TMEM132B: variants seen among roughly 807,000 people sequenced by gnomAD.
TMEM132B encodes transmembrane protein 132B.
In TMEM132B, 18 loss-of-function variants were observed where a neutral mutation model predicts 90.8. The ratio of observed to expected loss-of-function variants is 0.20; its 90% CI spans 0.14 to 0.29. The LOEUF (loss-of-function observed/expected upper bound fraction) is 0.29. Among genes scored for constraint, TMEM132B ranks in the 10% least tolerant of loss-of-function variants. The pLI is 1.00. For synonymous variants in TMEM132B, 504 were observed against 523.3 expected (o/e 0.96, Z 0.50); for missense variants, 1,096 against 1,326.8 (o/e 0.83, Z 2.70).
intron 1 of TMEM132B, among the ~76,000 whole-genome samples, chr12:125,192,551 C>T (rs1349249670): frequency 6.6e-6 from 1 of 152,176 alleles, no homozygotes. Context: ...AGTCATAGCA[C>T]ACTGCAGCCT....
intron 3 of TMEM132B, among the ~76,000 whole-genome samples, chr12:125,447,502 T>C (rs945802754): frequency 3.3e-5 from 5 of 152,206 alleles, no homozygotes; most frequent in Admixed American, 2.6e-4. Flanking sequence ...ACGCCATTAT[T>C]GTTGTGTAGG....
chr12:125,471,417 A>C (rs1457250716), intron 3 of TMEM132B, among the ~76,000 whole-genome samples: 2 of 152,200 alleles, frequency 1.3e-5, no homozygotes, highest in Non-Finnish European at 2.9e-5. Flanking sequence ...GGGCCATAGC[A>C]TGTGACCATA....
At chr12:125,367,947 T>G (rs530099837) in intron 2 of TMEM132B, among the ~76,000 whole-genome samples, 1 of 152,318 alleles carries the variant, frequency 6.6e-6, no homozygotes, top group African/African-American at 2.4e-5. Context: ...TCTATTGTGT[T>G]ATCAAATATT....
chr12:125,559,978 C>T (rs945251071), intron 4 of TMEM132B, among the ~76,000 whole-genome samples: 28 of 152,284 alleles, frequency 1.8e-4, no homozygotes, highest in African/African-American at 6.3e-4. Flanking sequence ...GCCCTAAGTT[C>T]GAATCCAGCG....
At chr12:125,508,734 T>C (rs1882904535) in intron 3 of TMEM132B, among the ~76,000 whole-genome samples, 1 of 151,714 alleles carries the variant, frequency 6.6e-6, no homozygotes, top group South Asian at 2.1e-4. Flanking sequence ...AGAAGCAGAC[T>C]GTTTGAAAAG....
At chr12:125,243,094 T>C (rs1007539363) in intron 1 of TMEM132B, among the ~76,000 whole-genome samples, 10 of 126,020 alleles carry the variant, frequency 7.9e-5, no homozygotes, top group African/African-American at 2.9e-4. Context: ...CACATACATA[T>C]ACATATATAT....
intron 1 of TMEM132B, among the ~76,000 whole-genome samples, chr12:125,276,359 G>A (rs1302026615): frequency 1.3e-5 from 2 of 152,184 alleles, no homozygotes; most frequent in Non-Finnish European, 2.9e-5. Context: ...ATCAGACTGT[G>A]GGTCTGATCA....
intron 2 of TMEM132B, among the ~76,000 whole-genome samples, chr12:125,400,819 A>T (rs1042941191): frequency 4.6e-5 from 7 of 152,328 alleles, no homozygotes; most frequent in Admixed American, 3.9e-4. Context: ...GGCTTATCTC[A>T]GAAAGGGTGT....
At chr12:125,328,218 G>T (rs1009171815) in intron 1 of TMEM132B, among the ~76,000 whole-genome samples, 4 of 152,166 alleles carry the variant, frequency 2.6e-5, no homozygotes, top group Non-Finnish European at 5.9e-5. Context: ...CAAACACAAT[G>T]CAGTGGCCTC....
At chr12:125,616,733 C>T (rs1014217745) in intron 5 of TMEM132B, among the ~76,000 whole-genome samples, 8 of 152,098 alleles carry the variant, frequency 5.3e-5, no homozygotes, top group Non-Finnish European at 1.5e-5. Context: ...TTGTGTTCCC[C>T]CACCCAATTC....
At chr12:125,461,277 G>C (rs955363685) in intron 3 of TMEM132B, among the ~76,000 whole-genome samples, 5 of 152,166 alleles carry the variant, frequency 3.3e-5, no homozygotes, top group African/African-American at 4.8e-5. Context: ...TCAGAGTCAG[G>C]GTCAGACCCA....
intron 2 of TMEM132B, among the ~76,000 whole-genome samples, chr12:125,390,687 A>G (rs1000321364): frequency 9.2e-5 from 14 of 152,238 alleles, no homozygotes; most frequent in Admixed American, 7.9e-4. Context: ...CTCAAGTAGC[A>G]TCTAAGGAGA....
chr12:125,397,228 C>T (rs1023062234), intron 2 of TMEM132B, among the ~76,000 whole-genome samples: 3 of 152,148 alleles, frequency 2.0e-5, no homozygotes, highest in African/African-American at 4.8e-5. Flanking sequence ...GCCTCAGCCT[C>T]CAGAAGTGCT....
intron 2 of TMEM132B, among the ~76,000 whole-genome samples, chr12:125,411,816 C>A (rs1248572954): frequency 6.6e-6 from 1 of 152,164 alleles, no homozygotes; most frequent in East Asian, 1.9e-4. Flanking sequence ...GTAATAACTT[C>A]ACTAAGGGGA....
chr12:125,255,227 TTC>T (rs529350083), intron 1 of TMEM132B, among the ~76,000 whole-genome samples: 91 of 151,520 alleles, frequency 6.0e-4, no homozygotes, highest in Non-Finnish European at 1.2e-3. Context: ...GCGGAGCAAA[TTC>T]TCTCTCTTCT....
intron 2 of TMEM132B, among the ~76,000 whole-genome samples, chr12:125,401,353 A>C (rs1842522572): frequency 6.6e-6 from 1 of 152,202 alleles, no homozygotes; most frequent in South Asian, 2.1e-4. Context: ...ATAATAAACA[A>C]GGGAAGCAAA....
chr12:125,420,843 A>G (rs1413430630), intron 3 of TMEM132B, among the ~76,000 whole-genome samples: 1 of 152,212 alleles, frequency 6.6e-6, no homozygotes, highest in Non-Finnish European at 1.5e-5. Flanking sequence ...AACAGCATCC[A>G]AGTCACCTCT....
intron 3 of TMEM132B, among the ~76,000 whole-genome samples, chr12:125,420,454 G>A (rs566187519): frequency 9.8e-5 from 15 of 152,290 alleles, no homozygotes; most frequent in South Asian, 2.1e-4. Context: ...CTTTGGCCCC[G>A]TTTAGTCATG....
At chr12:125,216,983 C>T (rs1201428410) in intron 1 of TMEM132B, among the ~76,000 whole-genome samples, 3 of 152,246 alleles carry the variant, frequency 2.0e-5, no homozygotes, top group African/African-American at 4.8e-5. Context: ...GCCACTCGGC[C>T]GCGCAGATGC....
Sources: gnomAD v4.1 joint callset for allele counts (sites outside exome capture counted in the v4.1 genomes callset) on GRCh38, gnomAD v4.1.1 for gene constraint, MANE v1.5 for transcripts, NCBI Gene and HGNC (gene_info 2026-07-23, HGNC 2026-07-21) for gene names.